SCN9A: variants seen among roughly 807,000 people sequenced by gnomAD.
SCN9A encodes the protein sodium channel protein type 9 subunit alpha.
SCN9A carries 131 observed loss-of-function variants against 187.0 expected under a neutral mutation model. The ratio of observed to expected loss-of-function variants is 0.70; its 90% CI spans 0.61 to 0.81. The LOEUF is 0.81. Ranked by LOEUF, SCN9A falls within the 30% of genes least tolerant of loss-of-function variation. The pLI is 0.00. For missense variants in SCN9A, 2,252 were observed against 2,396.6 expected (o/e 0.94, Z 1.26); for synonymous variants, 809 against 808.6 (o/e 1.00, Z -0.01).
At chr2:166,344,252 C>T (rs1160880938) in intron 1 of SCN9A, among the ~76,000 whole-genome samples, 1 of 151,920 alleles carries the variant, frequency 6.6e-6, no homozygotes, top group African/African-American at 2.4e-5. Flanking sequence ...ATTAATAATA[C>T]TAAAAAGCCT....
intron 3 of SCN9A, 26 bp downstream of exon 3, chr2:166,306,930 G>T (rs766071038): frequency 7.6e-7 from 1 of 1,312,400 alleles, no homozygotes; most frequent in South Asian, 1.3e-5. Context: ...AAGTGCCACT[G>T]GATGTAATCA....
chr2:166,368,370 A>G (rs894214774), intron 1 of SCN9A, among the ~76,000 whole-genome samples: 2 of 152,194 alleles, frequency 1.3e-5, no homozygotes, highest in African/African-American at 4.8e-5. Flanking sequence ...ACAGTGGCTT[A>G]CACCTGTAAT....
At chr2:166,339,273 G>A (rs1412959325) in intron 1 of SCN9A, among the ~76,000 whole-genome samples, 1 of 152,108 alleles carries the variant, frequency 6.6e-6, no homozygotes, top group African/African-American at 2.4e-5. Flanking sequence ...TGACAGGTAA[G>A]TTGGTCTTAA....
chr2:166,253,568 G>A (rs186292197), intron 17 of SCN9A, among the ~76,000 whole-genome samples: 3 of 151,778 alleles, frequency 2.0e-5, no homozygotes, highest in Middle Eastern at 3.4e-3. Context: ...TCCAGGAAAC[G>A]ATGTTGGATA....
intron 26 of SCN9A, among the ~76,000 whole-genome samples, 160 bp downstream of exon 26, chr2:166,203,795 G>T (rs1356439472): frequency 6.6e-6 from 1 of 151,860 alleles, no homozygotes. Context: ...TAGTATGAGA[G>T]ACAGATATTT....
At chr2:166,222,574 G>A (rs574372353) in intron 24 of SCN9A, among the ~76,000 whole-genome samples, 33 of 152,160 alleles carry the variant, frequency 2.2e-4, no homozygotes, top group Non-Finnish European at 3.4e-4. Flanking sequence ...GTTGCAGTGA[G>A]CTGAGATCGC....
intron 20 of SCN9A, among the ~76,000 whole-genome samples, chr2:166,237,120 T>C (rs936867843): frequency 2.0e-5 from 3 of 151,782 alleles, no homozygotes; most frequent in Non-Finnish European, 4.4e-5. Flanking sequence ...GACTGGGAGA[T>C]TGAGGTTATA....
intron 21 of SCN9A, among the ~76,000 whole-genome samples, chr2:166,230,269 TG>T (rs1695026059): frequency 6.6e-6 from 1 of 152,122 alleles, no homozygotes; most frequent in South Asian, 2.1e-4. Flanking sequence ...AGAGGTTTCC[TG>T]GGGGCATGAA....
intron 1 of SCN9A, among the ~76,000 whole-genome samples, chr2:166,372,267 G>T (rs566180671): frequency 2.0e-5 from 3 of 152,232 alleles, no homozygotes; most frequent in Admixed American, 2.0e-4. Flanking sequence ...CAAATATTTG[G>T]ATAATGTGCC....
At position 166,226,618 on chromosome 2, in the gene SCN9A, C is replaced by T. The variant is rs759799261; in HGVS notation, c.4347G>A (p.Leu1449=). The T allele has an allele frequency of 4.4e-6, 7 of 1,586,828 alleles. No homozygotes were observed. Among genetic ancestry groups the T allele is most frequent in the Non-Finnish European group, 5.1e-6 (6 of 1,165,720 alleles). The change falls in exon 24 of 27, where the codon TTG becomes TTA. Residue 1449 remains leucine, a synonymous_variant. Transcript: ENST00000642356. ...VFIIFGSFFT[L]NLFIGVIIDN... is the part of the protein sequence containing the mutation. ...CTATGATGACACCAATGAACAAGTT[C>T]AAAGTGAAGAATGACCCAAAGATGA... is the stretch of plus-strand genomic sequence containing the variant.
chr2:166,366,133 T>C (rs1417309407), intron 1 of SCN9A, among the ~76,000 whole-genome samples: 2 of 152,156 alleles, frequency 1.3e-5, no homozygotes, highest in East Asian at 3.9e-4. Context: ...TGCCAACTCC[T>C]GACCTACACA....
chr2:166,203,017 T>C (rs1036683699), intron 26 of SCN9A, among the ~76,000 whole-genome samples: 1 of 151,800 alleles, frequency 6.6e-6, no homozygotes, highest in Non-Finnish European at 1.5e-5. Context: ...CTTTTTTTTT[T>C]CCTGACTTAA....
chr2:166,353,606 T>A (rs1404388458), intron 1 of SCN9A, among the ~76,000 whole-genome samples: 1 of 152,206 alleles, frequency 6.6e-6, no homozygotes, highest in East Asian at 1.9e-4. Context: ...GTTTCAACTA[T>A]CCTGATCACC....
chr2:166,364,654 G>A (rs1287576861), intron 1 of SCN9A, among the ~76,000 whole-genome samples: 1 of 152,156 alleles, frequency 6.6e-6, no homozygotes, highest in Non-Finnish European at 1.5e-5. Flanking sequence ...AAGTAGAATA[G>A]TGGTTACTGG....
At chr2:166,277,413 C>T in intron 15 of SCN9A, 74 bp from the exon 16 acceptor site, 1 of 1,005,104 alleles carries the variant, frequency 9.9e-7, no homozygotes, top group East Asian at 2.5e-5. Flanking sequence ...GATTTTTGTT[C>T]AAAGGGTAAA....
chr2:166,353,258 A>C (rs1700082680), intron 1 of SCN9A, among the ~76,000 whole-genome samples: 1 of 151,868 alleles, frequency 6.6e-6, no homozygotes, highest in Non-Finnish European at 1.5e-5. Context: ...GCTGTGCTAC[A>C]AAAAAATGCC....
Position 166,199,636 on chromosome 2 carries a change from T to C in SCN9A, c.5003A>G (p.Tyr1668Cys), listed in dbSNP as rs754141856. The C allele has an allele frequency of 8.1e-6, 13 of 1,614,038 alleles. No individual in the cohort carries two copies. Among genetic ancestry groups the C allele is most frequent in the East Asian group, 4.5e-5 (2 of 44,894 alleles). Residue 1668 changes from tyrosine (Y) to cysteine (C), a missense_variant, in exon 27 of 27, where the codon TAT becomes TGT. Tyr to Cys is a radical substitution (Grantham distance 194, BLOSUM62 -2). This residue lies in a region of SCN9A where 84 missense variants were observed against 134.2 expected (regional missense o/e 0.63). Transcript: ENST00000642356. Reference sequence around the variant, plus strand: ...ATTAATTCCATCTTCCTTTTTAACATAGGCAAAGTTGGACATTCCAAAGAT... The same window carrying C: ...ATTAATTCCATCTTCCTTTTTAACACAGGCAAAGTTGGACATTCCAAAGAT... The part of the protein sequence containing the change: ...YAIFGMSNFA[Y>C]VKKEDGINDM...
At chr2:166,362,134 G>A (rs1399708292) in intron 1 of SCN9A, among the ~76,000 whole-genome samples, 2 of 151,996 alleles carry the variant, frequency 1.3e-5, no homozygotes, top group African/African-American at 4.8e-5. Flanking sequence ...AAAGGAAGGG[G>A]GTAATCTGGT....
At chr2:166,360,470 T>C (rs1242014520) in intron 1 of SCN9A, among the ~76,000 whole-genome samples, 1 of 152,160 alleles carries the variant, frequency 6.6e-6, no homozygotes, top group Non-Finnish European at 1.5e-5. Flanking sequence ...CACAGACTTA[T>C]GGCTGCAGAA....
Sources: gnomAD v4.1 joint callset for allele counts (sites outside exome capture counted in the v4.1 genomes callset) on GRCh38, gnomAD v4.1.1 for gene constraint, gnomAD v4.1.1 regional missense constraint, MANE v1.5 for transcripts, NCBI Gene and HGNC (gene_info 2026-07-23, HGNC 2026-07-21) for gene names.